RAI14: variants seen among roughly 807,000 people sequenced by gnomAD.
RAI14 encodes the protein retinoic acid induced 14.
In RAI14, 45 loss-of-function variants were observed where a neutral mutation model predicts 115.4. The observed-to-expected ratio is 0.39, with a 90% confidence interval of 0.31 to 0.50. RAI14 has a LOEUF of 0.50. RAI14 is among the 20% of genes least tolerant of loss of function. RAI14 has a pLI of 0.85. For synonymous variants in RAI14, 371 were observed against 415.4 expected (o/e 0.89, Z 1.30); for missense variants, 939 against 1,131.2 (o/e 0.83, Z 2.44).
intron 2 of RAI14, among the ~76,000 whole-genome samples, chr5:34,722,194 C>T (rs1281580532): frequency 2.0e-5 from 3 of 150,560 alleles, no homozygotes; most frequent in African/African-American, 7.4e-5. Flanking sequence ...ACCCCCAGTT[C>T]CTCAGACTGT....
At chr5:34,731,361 A>G (rs144492979) in intron 2 of RAI14, among the ~76,000 whole-genome samples, 1 of 152,340 alleles carries the variant, frequency 6.6e-6, no homozygotes, top group African/African-American at 2.4e-5. Context: ...TTGTCTAACA[A>G]AGTAATATTA....
At chr5:34,698,390 AG>A (rs1414266678) in intron 2 of RAI14, among the ~76,000 whole-genome samples, 1 of 151,828 alleles carries the variant, frequency 6.6e-6, no homozygotes, top group Non-Finnish European at 1.5e-5. Flanking sequence ...TGGCATTTGT[AG>A]TACCTAAAAT....
chr5:34,809,170 T>C (rs1427599095), intron 7 of RAI14, among the ~76,000 whole-genome samples: 2 of 152,192 alleles, frequency 1.3e-5, no homozygotes, highest in Non-Finnish European at 2.9e-5. Context: ...TACTCACCAG[T>C]GGCGTTTGGG....
intron 14 of RAI14, 108 bp from the exon 15 acceptor site, chr5:34,822,848 T>C: frequency 6.9e-6 from 7 of 1,021,404 alleles, no homozygotes; most frequent in Non-Finnish European, 8.5e-6. Flanking sequence ...CACGCCCGGC[T>C]AATTTTTTGT....
At chr5:34,817,710 A>G (rs950771140) in intron 12 of RAI14, among the ~76,000 whole-genome samples, 1 of 152,238 alleles carries the variant, frequency 6.6e-6, no homozygotes, top group Non-Finnish European at 1.5e-5. Flanking sequence ...CTGAAAAGTC[A>G]TCATGCTGAG....
intron 3 of RAI14, among the ~76,000 whole-genome samples, chr5:34,787,441 A>G (rs114960636): frequency 0.015 from 2,270 of 152,366 alleles, 24 homozygotes; most frequent in Non-Finnish European, 0.019. Context: ...ATACTGCAAC[A>G]TGGATGAACC....
At chr5:34,804,912 T>C (rs1352835072) in intron 5 of RAI14, among the ~76,000 whole-genome samples, 1 of 152,208 alleles carries the variant, frequency 6.6e-6, no homozygotes, top group Non-Finnish European at 1.5e-5. Context: ...TCCATTCCCA[T>C]TCTGGCTTGG....
intron 2 of RAI14, among the ~76,000 whole-genome samples, chr5:34,726,495 T>G (rs1465112874): frequency 4.6e-5 from 7 of 152,194 alleles, no homozygotes; most frequent in Admixed American, 2.6e-4. Flanking sequence ...TCCGCCCCCA[T>G]GATCCAATGA....
Position 34,665,178 on chromosome 5 carries a change from C to CATATATGTATAT in RAI14, c.-49+8709_-49+8710insGTATATATATAT, listed in dbSNP as rs1554037638. Among the ~76,000 whole-genome samples, 35 of 7,076 alleles carry CATATATGTATAT rather than the reference C, an allele frequency of 4.9e-3. 5 individuals carry two copies. The highest frequency in any genetic ancestry group is 0.021 in the African/African-American group (34 of 1,630). The allele number at this position is 7,076 out of a possible 152,430, so 4.6% of individuals were successfully genotyped here. A position where few individuals can be genotyped will look rare whatever the true frequency, so the allele number is the denominator to read the frequency against. ...GTGTGTGTATATATATATATACACA[C>CATATATGTATAT]ATATATATATGTATATATATACACA... On this transcript the variant is annotated intron_variant, in intron 1 of 17. Transcript: ENST00000265109.
intron 2 of RAI14, among the ~76,000 whole-genome samples, chr5:34,742,370 C>G (rs924364499): frequency 1.3e-5 from 2 of 152,176 alleles, no homozygotes; most frequent in African/African-American, 4.8e-5. Flanking sequence ...AGTGTGTCAT[C>G]TTCATTGTTG....
chr5:34,826,942 CA>C (rs1757513320), intron 16 of RAI14, among the ~76,000 whole-genome samples: 1 of 152,162 alleles, frequency 6.6e-6, no homozygotes, highest in East Asian at 1.9e-4. Context: ...TTCCTGGGTC[CA>C]TTGTAACAAA....
At chr5:34,784,613 T>C (rs1752065314) in intron 3 of RAI14, among the ~76,000 whole-genome samples, 1 of 152,196 alleles carries the variant, frequency 6.6e-6, no homozygotes, top group Admixed American at 6.5e-5. Context: ...AGTCCATGAA[T>C]TAGTATGTGG....
Position 34,813,646 on chromosome 5 carries a change from A to G in RAI14, c.838A>G (p.Ile280Val), listed in dbSNP as rs1170904493. Residue 280 changes from isoleucine (I) to valine (V), a missense_variant, in exon 11 of 18, where the codon ATC becomes GTC. Physicochemically the swap from Ile to Val is conservative, Grantham distance 29. Transcript: ENST00000265109. ...PKKRKAPPPP[I>V]SPTQLSDVSS... ...AAAACGCAAAGCTCCACCACCTCCT[A>G]TCAGTCCTACCCAGGTAAAAACAAA... 3.1e-6 allele frequency: 5 copies of G among 1,611,554 alleles called. No individual in the cohort carries two copies. Among genetic ancestry groups the G allele is most frequent in the Middle Eastern group, 1.6e-4 (1 of 6,078 alleles).
chr5:34,727,601 T>C (rs1743632105), intron 2 of RAI14, among the ~76,000 whole-genome samples: 1 of 152,106 alleles, frequency 6.6e-6, no homozygotes, highest in African/African-American at 2.4e-5. Flanking sequence ...CCTAGGGACT[T>C]GGTGTCCTGC....
chr5:34,765,159 C>T (rs1749195815), intron 3 of RAI14, among the ~76,000 whole-genome samples: 1 of 152,134 alleles, frequency 6.6e-6, no homozygotes, highest in Non-Finnish European at 1.5e-5. Flanking sequence ...TCTTCCCAGT[C>T]TCAGATATGT....
chr5:34,718,586 C>T (rs1742275842), intron 2 of RAI14, among the ~76,000 whole-genome samples: 1 of 152,248 alleles, frequency 6.6e-6, no homozygotes, highest in Non-Finnish European at 1.5e-5. Flanking sequence ...GGACCCTCCT[C>T]TGCCCTCCCC....
chr5:34,753,436 ATC>A (rs1747406946), intron 2 of RAI14, among the ~76,000 whole-genome samples: 2 of 152,116 alleles, frequency 1.3e-5, no homozygotes. Flanking sequence ...CTTATTGAAC[ATC>A]TGTTTTGTCT....
chr5:34,797,214 T>C (rs1474907335), intron 4 of RAI14, among the ~76,000 whole-genome samples: 1 of 152,186 alleles, frequency 6.6e-6, no homozygotes, highest in African/African-American at 2.4e-5. Context: ...CCTAACTCCA[T>C]TGCCTTTATC....
chr5:34,745,051 C>T (rs1433764371), intron 2 of RAI14, among the ~76,000 whole-genome samples: 3 of 152,144 alleles, frequency 2.0e-5, no homozygotes, highest in Admixed American at 6.5e-5. Flanking sequence ...GATTTTGGAT[C>T]CAACTTAAAC....
Sources: gnomAD v4.1 joint callset for allele counts (sites outside exome capture counted in the v4.1 genomes callset) on GRCh38, gnomAD v4.1.1 for gene constraint, MANE v1.5 for transcripts, NCBI Gene and HGNC (gene_info 2026-07-23, HGNC 2026-07-21) for gene names.